Variants in CSMD2 observed in about 807,000 individuals in gnomAD.
CSMD2 encodes the protein CUB and sushi domain-containing protein 2.
A neutral mutation model predicts 398.5 loss-of-function variants in CSMD2; 130 were observed. The observed-to-expected ratio is 0.33, with a 90% CI of 0.28 to 0.38. The LOEUF is 0.38. CSMD2 is among the 10% of genes least tolerant of loss of function. The probability of loss-of-function intolerance (pLI) is 1.00; values close to 1 mark genes in which losing one functional copy is unlikely to be tolerated. For missense variants in CSMD2, 3,829 were observed against 4,764.9 expected, an observed-to-expected ratio of 0.80 and a Z score of 5.78; for synonymous variants, 1,828 against 1,908.5, an observed-to-expected ratio of 0.96 and a Z score of 1.10.
At chr1:33,662,744 G>T in intron 26 of CSMD2, 146 bp downstream of exon 26, 1 of 801,936 alleles carries the variant, frequency 1.2e-6, no homozygotes, top group Non-Finnish European at 2.1e-6. Context: ...CATTTGAACA[G>T]GTGCTAACCA....
intron 44 of CSMD2, among the ~76,000 whole-genome samples, chr1:33,590,981 C>CTTT (rs11374822): frequency 0.012 from 830 of 67,138 alleles, 2 homozygotes; most frequent in East Asian, 0.027. Flanking sequence ...TTTTATTTAT[C>CTTT]TTTTTTTTTT....
chr1:33,873,632 T>C (rs773381336), intron 5 of CSMD2: 4 of 152,218 alleles, frequency 2.6e-5, no homozygotes, highest in Non-Finnish European at 5.9e-5. Context: ...CAAACAATTA[T>C]GTGAAGAAAC....
Position 33,709,168 on chromosome 1 carries a change from T to C in CSMD2, c.3497A>G (p.Tyr1166Cys). Residue 1166 changes from tyrosine to cysteine, a missense_variant, in exon 22 of 71, where the codon TAC (tyrosine) becomes TGC (cysteine). Around this residue, in one of 5 missense-constraint regions of CSMD2, gnomAD observed 2,001 missense variants for 2,567.1 expected, o/e 0.78. Coordinates refer to ENST00000373381, the MANE Select transcript of CSMD2 (RefSeq NM_001281956.2). Reference protein sequence around the residue: ...VNYNNNHECIYSIQTQPGKGI... With the variant: ...VNYNNNHECICSIQTQPGKGI... ...CTTCCCTGGCTGGGTCTGGATGGAG[T>C]AGATGCATTCATGATTGTTATTGTA... 6.2e-7 allele frequency: 1 copy of C among 1,613,954 alleles called. No homozygotes were observed. The highest frequency in any genetic ancestry group is 8.5e-7 in the Non-Finnish European group (1 of 1,179,902).
At chr1:33,554,697 ATGGAACAACAAAGCC>A (rs1338337060) in intron 55 of CSMD2, among the ~76,000 whole-genome samples, 1 of 152,156 alleles carries the variant, frequency 6.6e-6, no homozygotes, top group African/African-American at 2.4e-5. Context: ...TGCTCTATAA[ATGGAACAACAAAGCC>A]TGGATGACAG....
chr1:34,140,351 C>CT (rs1639168535), intron 1 of CSMD2, among the ~76,000 whole-genome samples: 1 of 150,918 alleles, frequency 6.6e-6, no homozygotes, highest in Non-Finnish European at 1.5e-5. Context: ...AAAGCATGGC[C>CT]CTGTGAGCTT....
intron 25 of CSMD2, among the ~76,000 whole-genome samples, chr1:33,679,651 T>G (rs1644838763): frequency 6.6e-6 from 1 of 152,242 alleles, no homozygotes; most frequent in Admixed American, 6.5e-5. Context: ...GCACATAGTA[T>G]TAAATAATCA....
At chr1:34,045,151 G>A (rs75974314) in intron 2 of CSMD2, among the ~76,000 whole-genome samples, 4 of 152,048 alleles carry the variant, frequency 2.6e-5, no homozygotes, top group Non-Finnish European at 5.9e-5. Context: ...TGGGAAATGT[G>A]GAAAATCTAG....
rs1433283674 is a variant in CSMD2 at position 33,652,453 on chromosome 1, C to T, written c.4456G>A (p.Gly1486Arg). 1.9e-6 allele frequency: 3 copies of T among 1,613,996 alleles called. No homozygotes were observed. Among genetic ancestry groups the T allele is most frequent in the Non-Finnish European group, 2.5e-6 (3 of 1,180,000 alleles). Residue 1486 changes from glycine (G) to arginine (R), a missense_variant, in exon 28 of 71, where the codon GGG becomes AGG. Gly to Arg is a moderately radical substitution (Grantham distance 125). Around this residue, in one of 5 missense-constraint regions of CSMD2, gnomAD observed 2,001 missense variants for 2,567.1 expected, o/e 0.78. Transcript: ENST00000373381. The part of the protein sequence containing the change: ...PSPPTCIAPC[G>R]GDLTGPSGVI... Reference sequence around the variant, plus strand: ...CCAGATGGTCCTGTCAGGTCTCCCCCGCAGGGAGCTGAGGAGAGAAGAAGA... The same window carrying T: ...CCAGATGGTCCTGTCAGGTCTCCCCTGCAGGGAGCTGAGGAGAGAAGAAGA...
At chr1:33,549,389 T>C (rs1373577042) in intron 56 of CSMD2, among the ~76,000 whole-genome samples, 1 of 152,116 alleles carries the variant, frequency 6.6e-6, no homozygotes, top group Non-Finnish European at 1.5e-5. Context: ...GCCAGGCAGG[T>C]CCCCCTCAAA....
rs1184169728 is a variant in CSMD2, at chr1:33,545,896, G to A, written c.9100+141C>T. ...TGAAAATGCACATGAATTATCTGTT[G>A]CAGTCCTATCAGCCAGGCTGAGGGT... is the stretch of plus-strand genomic sequence containing the variant. On this transcript the variant is annotated intron_variant, in intron 57 of 70. Transcript: ENST00000373381. 3 of 679,656 alleles carry A rather than the reference G, an allele frequency of 4.4e-6. No individual in the cohort carries two copies. In the African/African-American group the frequency reaches 5.4e-5, roughly 12 times the overall value. The allele number at this position is 679,656 out of a possible 1,614,324, so 42.1% of individuals were successfully genotyped here. A position where few individuals can be genotyped will look rare whatever the true frequency, so the allele number is the denominator to read the frequency against.
chr1:33,743,643 C>T, intron 13 of CSMD2, 37 bp from the exon 14 acceptor site: 1 of 1,455,962 alleles, frequency 6.9e-7, no homozygotes. Flanking sequence ...GTAAGCATCC[C>T]CAACATTCTG....
chr1:33,561,956 A>C (rs946505277), intron 53 of CSMD2, among the ~76,000 whole-genome samples: 1 of 152,118 alleles, frequency 6.6e-6, no homozygotes, highest in Non-Finnish European at 1.5e-5. Flanking sequence ...ATAAAGAGAG[A>C]GAAGAATGTT....
chr1:34,018,301 A>C (rs562365429), intron 3 of CSMD2, among the ~76,000 whole-genome samples: 1 of 152,286 alleles, frequency 6.6e-6, no homozygotes, highest in Admixed American at 6.5e-5. Flanking sequence ...CTACTGTTGG[A>C]CATTTTTACA....
At chr1:33,782,393 T>C (rs1228007637) in intron 12 of CSMD2, among the ~76,000 whole-genome samples, 1 of 152,188 alleles carries the variant, frequency 6.6e-6, no homozygotes, top group Non-Finnish European at 1.5e-5. Context: ...GGCCCTATGC[T>C]GGGTGCTTGA....
intron 25 of CSMD2, among the ~76,000 whole-genome samples, chr1:33,675,654 A>G (rs921575999): frequency 6.6e-5 from 10 of 152,218 alleles, no homozygotes; most frequent in Non-Finnish European, 1.3e-4. Flanking sequence ...AGACACAACA[A>G]AAAAAGAGAA....
At chr1:34,124,121 T>G (rs539693589) in intron 1 of CSMD2, among the ~76,000 whole-genome samples, 1 of 152,254 alleles carries the variant, frequency 6.6e-6, no homozygotes, top group Non-Finnish European at 1.5e-5. Context: ...AAACAGAAAT[T>G]CCATGCTTAG....
At chr1:34,149,010 C>A (rs1380072233) in intron 1 of CSMD2, among the ~76,000 whole-genome samples, 1 of 152,260 alleles carries the variant, frequency 6.6e-6, no homozygotes, top group East Asian at 1.9e-4. Context: ...TTGCCCTCCC[C>A]GAGCATTTAT....
chr1:34,053,616 T>C (rs946753223), intron 2 of CSMD2, among the ~76,000 whole-genome samples: 1 of 152,200 alleles, frequency 6.6e-6, no homozygotes, highest in Non-Finnish European at 1.5e-5. Flanking sequence ...AACATGCAAC[T>C]TTAGTAGATG....
At chr1:33,653,594 G>A (rs1044432081) in intron 27 of CSMD2, among the ~76,000 whole-genome samples, 7 of 152,150 alleles carry the variant, frequency 4.6e-5, no homozygotes, top group Non-Finnish European at 1.0e-4. Flanking sequence ...GGTGGGGAGG[G>A]AGAAAGTGGC....
Sources: allele counts gnomAD v4.1 joint callset (sites outside exome capture counted in the v4.1 genomes callset), GRCh38; gene constraint gnomAD v4.1.1; regional missense constraint gnomAD v4.1.1; transcripts MANE v1.5; gene names NCBI Gene and HGNC (gene_info 2026-07-23, HGNC 2026-07-21).